DOK5: variants seen among roughly 807,000 people sequenced by gnomAD.
DOK5 encodes downstream of tyrosine kinase 5.
DOK5 carries 27 observed loss-of-function variants against 43.3 expected under a neutral mutation model. The observed-to-expected ratio is 0.62, with a 90% CI of 0.46 to 0.86. The LOEUF (loss-of-function observed/expected upper bound fraction) is 0.86, where lower values mean the gene tolerates loss of function less well. DOK5 is among the 40% of genes least tolerant of loss of function. The pLI, the probability that DOK5 is intolerant of heterozygous loss-of-function variation, is 0.00. For synonymous variants in DOK5, 146 were observed against 140.1 expected (o/e 1.04, Z -0.30); for missense variants, 373 against 392.9 (o/e 0.95, Z 0.43).
chr20:54,563,049 A>C (rs1984962699), intron 2 of DOK5, among the ~76,000 whole-genome samples: 1 of 152,222 alleles, frequency 6.6e-6, no homozygotes, highest in South Asian at 2.1e-4. Context: ...ATGTGAAGAC[A>C]GGCAGACACT....
chr20:54,628,935 T>C (rs1978440706), intron 6 of DOK5, among the ~76,000 whole-genome samples: 1 of 152,200 alleles, frequency 6.6e-6, no homozygotes, highest in Non-Finnish European at 1.5e-5. Context: ...ATCATTCTTT[T>C]TTAAGGGAGA....
chr20:54,569,287 A>G (rs1985207823), intron 2 of DOK5, among the ~76,000 whole-genome samples: 1 of 152,200 alleles, frequency 6.6e-6, no homozygotes, highest in Non-Finnish European at 1.5e-5. Context: ...GGTTAATGAG[A>G]TAAATTATAT....
intron 1 of DOK5, among the ~76,000 whole-genome samples, chr20:54,496,720 C>T (rs200640691): frequency 2.8e-5 from 4 of 143,926 alleles, no homozygotes; most frequent in Non-Finnish European, 5.9e-5. Context: ...GAGCCGAGAT[C>T]GCACCACTGC....
chr20:54,650,364 T>C (rs956520491), intron 7 of DOK5, 51 bp from the exon 8 acceptor site: 2 of 1,581,026 alleles, frequency 1.3e-6, no homozygotes, highest in South Asian at 1.1e-5. Flanking sequence ...CTAATTTGAT[T>C]GTGGGCTTTC....
rs869031533 is a variant in DOK5, at chr20:54,644,997, CTTTTTTTTTTTT to C, written c.856+1436_856+1447del. ...TGTGGGGGATACTTGTAAAAAAACT[CTTTTTTTTTTTT>C]TTTTTTTTTTTTTTTTGAGACAGAG... is the stretch of plus-strand genomic sequence containing the variant. On this transcript the variant is annotated intron_variant, in intron 7 of 7. Transcript: ENST00000262593. 1.5e-4 allele frequency among the ~76,000 whole-genome samples: 12 copies of C among 82,416 alleles called. No individual in the cohort carries two copies. In the South Asian group the frequency reaches 2.3e-3, roughly 16 times the overall value. 54.1% of individuals were successfully genotyped at this position (82,416 alleles called of 152,430 possible). A position where few individuals can be genotyped will look rare whatever the true frequency, so the allele number is the denominator to read the frequency against.
chr20:54,476,085 G>A, intron 1 of DOK5, 73 bp downstream of exon 1: 1 of 1,592,884 alleles, frequency 6.3e-7, no homozygotes, highest in Non-Finnish European at 8.5e-7. Context: ...ATCCCTGGAG[G>A]GTGGACGGAG....
intron 1 of DOK5, among the ~76,000 whole-genome samples, chr20:54,522,191 C>A (rs1175137738): frequency 6.6e-6 from 1 of 152,162 alleles, no homozygotes; most frequent in Admixed American, 6.5e-5. Flanking sequence ...AACACACCAA[C>A]ACTAACGATA....
chr20:54,550,869 AT>A (rs370739892), intron 1 of DOK5, among the ~76,000 whole-genome samples: 3,537 of 150,012 alleles, frequency 0.024, 138 homozygotes, highest in African/African-American at 0.08. Flanking sequence ...TCATATACAG[AT>A]TTTTTTTTTA....
intron 4 of DOK5, among the ~76,000 whole-genome samples, chr20:54,590,966 T>C (rs1046745065): frequency 6.6e-6 from 1 of 152,238 alleles, no homozygotes; most frequent in Non-Finnish European, 1.5e-5. Context: ...TAGAATAATT[T>C]TGGTTGCATT....
At chr20:54,522,721 G>A in intron 1 of DOK5, among the ~76,000 whole-genome samples, 1 of 151,898 alleles carries the variant, frequency 6.6e-6, no homozygotes, top group Admixed American at 6.6e-5. Context: ...CACCATGTCG[G>A]CCAGGCTGGT....
intron 1 of DOK5, among the ~76,000 whole-genome samples, chr20:54,532,814 C>T (rs1409967186): frequency 2.6e-5 from 4 of 152,184 alleles, no homozygotes; most frequent in Non-Finnish European, 4.4e-5. Flanking sequence ...TTTCCTCAGG[C>T]CTTGTCCTGA....
At chr20:54,527,942 C>T (rs1230210681) in intron 1 of DOK5, among the ~76,000 whole-genome samples, 3 of 152,190 alleles carry the variant, frequency 2.0e-5, no homozygotes, top group Admixed American at 6.5e-5. Flanking sequence ...CGTGGTGGCT[C>T]ATGCCCGTAA....
intron 5 of DOK5, among the ~76,000 whole-genome samples, chr20:54,603,080 C>T (rs1986347777): frequency 6.6e-6 from 1 of 152,160 alleles, no homozygotes; most frequent in Non-Finnish European, 1.5e-5. Flanking sequence ...GAAAATAAAG[C>T]AAGTTGATTA....
intron 1 of DOK5, among the ~76,000 whole-genome samples, chr20:54,525,287 G>A (rs1983540067): frequency 6.6e-6 from 1 of 152,182 alleles, no homozygotes; most frequent in Non-Finnish European, 1.5e-5. Flanking sequence ...CAATATTACA[G>A]GGACAAATGG....
chr20:54,501,815 AC>A (rs1483196044), intron 1 of DOK5, among the ~76,000 whole-genome samples: 1 of 152,244 alleles, frequency 6.6e-6, no homozygotes, highest in Admixed American at 6.5e-5. Context: ...AATAAATGCC[AC>A]CAAATGATTT....
intron 5 of DOK5, 103 bp downstream of exon 5, chr20:54,591,908 C>A (rs753231820): frequency 6.2e-6 from 6 of 974,512 alleles, no homozygotes; most frequent in Middle Eastern, 2.2e-4. Flanking sequence ...CATATGAGAT[C>A]CAGCTGAAGT....
chr20:54,551,897 G>A (rs1402405671), intron 1 of DOK5, among the ~76,000 whole-genome samples: 2 of 152,062 alleles, frequency 1.3e-5, no homozygotes, highest in South Asian at 2.1e-4. Flanking sequence ...ACATGTTCTC[G>A]GCTTACTGCA....
intron 1 of DOK5, among the ~76,000 whole-genome samples, chr20:54,496,027 G>A (rs763782959): frequency 3.9e-5 from 6 of 152,234 alleles, no homozygotes; most frequent in Non-Finnish European, 5.9e-5. Context: ...TAGAGAGACA[G>A]GCACAGGATC....
chr20:54,590,515 AG>A (rs11482472), intron 4 of DOK5, among the ~76,000 whole-genome samples: 13 of 151,584 alleles, frequency 8.6e-5, no homozygotes, highest in Middle Eastern at 3.4e-3. Flanking sequence ...GGAACTTTCA[AG>A]GGGGGGGAAT....
Sources: gnomAD v4.1 joint callset for allele counts (sites outside exome capture counted in the v4.1 genomes callset) on GRCh38, gnomAD v4.1.1 for gene constraint, MANE v1.5 for transcripts, NCBI Gene and HGNC (gene_info 2026-07-23, HGNC 2026-07-21) for gene names.